The following COPZ2 variants were observed in gnomAD, a reference collection of about 807,000 sequenced individuals.
COPZ2 encodes the protein coatomer subunit zeta-2.
In COPZ2, 30 loss-of-function variants were observed where a neutral mutation model predicts 33.2. That is an observed-to-expected ratio of 0.90 (90% CI 0.68 to 1.23). The LOEUF (loss-of-function observed/expected upper bound fraction) is 1.23, where lower values mean the gene tolerates loss of function less well. Ranked by LOEUF, COPZ2 falls within the 50% of genes most tolerant of loss-of-function variation. The pLI is 0.00. For missense variants in COPZ2, 263 were observed against 262.4 expected (o/e 1.00, Z -0.02); for synonymous variants, 89 against 102.6 (o/e 0.87, Z 0.80).
In COPZ2 at chr17:48,032,715, G is replaced by C; in HGVS notation, c.387C>G (p.Cys129Trp). ...NELMLMSVLT[C>W]LFESLNHMLR... ...ACATGTGGTTCAGAGACTCAAACAGGCAGGTGAGAACAGACATGAGCATCA... is the reference window on the plus strand; with the variant it reads ...ACATGTGGTTCAGAGACTCAAACAGCCAGGTGAGAACAGACATGAGCATCA... Residue 129 changes from cysteine (C) to tryptophan (W), a missense_variant, in exon 5 of 9, where the codon TGC (cysteine) becomes TGG (tryptophan). Transcript: ENST00000621465. The C allele has an allele frequency of 3.1e-6, 5 of 1,594,264 alleles. No homozygotes were observed. The highest frequency in any genetic ancestry group is 4.3e-6 in the Non-Finnish European group (5 of 1,170,384).
intron 8 of COPZ2, among the ~76,000 whole-genome samples, chr17:48,026,689 C>T (rs1156666423): frequency 6.6e-6 from 1 of 152,246 alleles, no homozygotes; most frequent in Non-Finnish European, 1.5e-5. Flanking sequence ...CCACCTCAGG[C>T]CCAAGCCTGC....
the COPZ2 span, among the ~76,000 whole-genome samples, chr17:48,044,731 T>C: frequency 6.6e-6 from 1 of 152,146 alleles, no homozygotes; most frequent in Non-Finnish European, 1.5e-5. Context: ...GCTGATGATG[T>C]TTACCATATA....
chr17:48,031,409 G>T (rs530008662), intron 6 of COPZ2, among the ~76,000 whole-genome samples: 1 of 149,506 alleles, frequency 6.7e-6, no homozygotes, highest in Admixed American at 6.7e-5. Context: ...CCGAGATCAC[G>T]CCACTTACTG....
At position 48,029,168 on chromosome 17, in the gene COPZ2, A is replaced by C; in HGVS notation, c.503T>G (p.Leu168Arg). 6.3e-7 allele frequency: 1 copy of C among 1,575,900 alleles called. No individual in the cohort carries two copies. Residue 168 changes from leucine (L) to arginine (R), a missense_variant, in exon 7 of 9, where the codon CTG (leucine) becomes CGG (arginine). Leu to Arg is a moderately radical substitution (Grantham distance 102, BLOSUM62 -2). Coordinates refer to ENST00000621465, the MANE Select transcript of COPZ2 (RefSeq NM_016429.4). ...LDEIVDGGVILESDPQQVIQK... is the reference protein window; with the variant it reads ...LDEIVDGGVIRESDPQQVIQK... ...GATCACTTGCTGGGGGTCACTCTCC[A>C]GAATCACACTACAAGATGAGAGGAA...
intron 6 of COPZ2, among the ~76,000 whole-genome samples, chr17:48,031,455 CAA>C (rs1185312803): frequency 5.7e-4 from 37 of 64,674 alleles, no homozygotes; most frequent in Admixed American, 5.5e-4. Context: ...GACTCTGTCT[CAA>C]AAAAAAAAAA....
rs772665463 is a variant in COPZ2 at position 48,032,137 on chromosome 17, CT to C, written c.494+18del. 2.9e-5 allele frequency: 46 copies of C among 1,606,416 alleles called. No individual in the cohort carries two copies. In the Middle Eastern group the frequency reaches 8.2e-4, roughly 29 times the overall value. On this transcript the variant is annotated intron_variant, in intron 6 of 8. Coordinates refer to ENST00000621465, the MANE Select transcript of COPZ2 (RefSeq NM_016429.4). ...AAAGGCACTCCTGCTGTGAGTGTCC[CT>C]GACTGTCCCCTCCTCACCCGCCATC... is the stretch of plus-strand genomic sequence containing the variant.
In COPZ2 at chr17:48,026,491, G is replaced by T. The variant is rs2036819011; in HGVS notation, c.586-16C>A. The T allele has an allele frequency of 6.3e-7, 1 of 1,596,978 alleles. No homozygotes were observed. Among genetic ancestry groups the T allele is most frequent in the East Asian group, 2.2e-5 (1 of 44,812 alleles). On this transcript the variant is annotated splice_polypyrimidine_tract_variant and intron_variant, in intron 8 of 8. Coordinates refer to ENST00000621465, the MANE Select transcript of COPZ2 (RefSeq NM_016429.4). ...ACTGAAGAACCTGGGGTGGGGTGGG[G>T]GAGGTTGAGAGAGAATTGAGAATGT...
upstream of COPZ2, among the ~76,000 whole-genome samples, chr17:48,041,502 C>A (rs182352964): frequency 6.6e-6 from 1 of 152,220 alleles, no homozygotes; most frequent in Admixed American, 6.5e-5. Context: ...GACATTTGAA[C>A]AAAGAGCTAA....
chr17:48,040,054 G>A (rs1470083056), upstream of COPZ2, among the ~76,000 whole-genome samples: 2 of 151,786 alleles, frequency 1.3e-5, no homozygotes, highest in Non-Finnish European at 2.9e-5. Context: ...CCTGGGAGGT[G>A]GAGGTTGCAG....
chr17:48,037,090 T>G lies in COPZ2; in HGVS notation c.112-165A>C. On this transcript the variant is annotated intron_variant, in intron 1 of 8. Transcript: ENST00000621465. This position sits in a 1 kb window ranked among gnomAD's most constrained non-coding sequence, Gnocchi z 5.6. ...CCTGTGCCACATGGGCCAACCCAGGTGCCCACTCCACTCCCAGGCAGATGT... is the reference window on the plus strand; with the variant it reads ...CCTGTGCCACATGGGCCAACCCAGGGGCCCACTCCACTCCCAGGCAGATGT... 2 of 771,866 alleles carry G rather than the reference T, an allele frequency of 2.6e-6. No individual in the cohort carries two copies. Among genetic ancestry groups the G allele is most frequent in the South Asian group, 1.4e-5 (1 of 70,776 alleles). The allele number at this position is 771,866 out of a possible 1,614,324, so 47.8% of individuals were successfully genotyped here.
At chr17:48,040,881 G>A (rs1387823319), upstream of COPZ2, among the ~76,000 whole-genome samples, 2 of 151,772 alleles carry the variant, frequency 1.3e-5, no homozygotes, top group Non-Finnish European at 2.9e-5. Flanking sequence ...TGGGTGTGGT[G>A]GCTCATACCT....
chr17:48,029,978 AT>A (rs974122820), intron 6 of COPZ2, among the ~76,000 whole-genome samples: 23 of 141,134 alleles, frequency 1.6e-4, no homozygotes, highest in East Asian at 6.4e-4. Flanking sequence ...AAAAAAAAAA[AT>A]TTTTTTTTTA....
chr17:48,040,293 G>C (rs2037049526), upstream of COPZ2, among the ~76,000 whole-genome samples: 1 of 151,870 alleles, frequency 6.6e-6, no homozygotes, highest in Non-Finnish European at 1.5e-5. Flanking sequence ...GGCAGGTCTT[G>C]AACTCCTGGG....
rs772131369 is a variant in COPZ2 at position 48,036,972 on chromosome 17, A to C, written c.112-47T>G. ...CCGTTTGGCCCCTGACTCGAGGTGG[A>C]CACCCTGTGTCTATGGGATCTGCTG... is the stretch of plus-strand genomic sequence containing the variant. On this transcript the variant is annotated intron_variant, in intron 1 of 8. Transcript: ENST00000621465. 14 of 1,517,938 alleles carry C rather than the reference A, an allele frequency of 9.2e-6. No homozygotes were observed. In the African/African-American group the frequency reaches 1.2e-4, roughly 13 times the overall value. The allele number at this position is 1,517,938 out of a possible 1,614,324, so 94.0% of individuals were successfully genotyped here.
At position 48,028,799 on chromosome 17, in the gene COPZ2, C is replaced by G; in HGVS notation, c.547-289G>C. On this transcript the variant is annotated intron_variant, in intron 7 of 8. Coordinates refer to ENST00000621465, the MANE Select transcript of COPZ2 (RefSeq NM_016429.4). This position sits in a 1 kb window ranked among gnomAD's most constrained non-coding sequence, Gnocchi z 4.5. ...GCCAAACAAGGCAGGGAGGTTCTAT[C>G]CATACCCCTGACCCCCAACCTCAAG... 6.6e-6 allele frequency among the ~76,000 whole-genome samples: 1 copy of G among 152,112 alleles called. No individual in the cohort carries two copies. Among genetic ancestry groups the G allele is most frequent in the South Asian group, 2.1e-4 (1 of 4,822 alleles).
chr17:48,030,439 C>A (rs56216222), intron 6 of COPZ2, among the ~76,000 whole-genome samples: 12 of 152,090 alleles, frequency 7.9e-5, no homozygotes, highest in African/African-American at 1.4e-4. Flanking sequence ...GGTACATGGG[C>A]GTGAGGGCCT....
At chr17:48,033,042 T>C (rs963851794) in intron 4 of COPZ2, 169 bp downstream of exon 4, 8 of 607,108 alleles carry the variant, frequency 1.3e-5, no homozygotes, top group Non-Finnish European at 2.1e-5. Flanking sequence ...GCATCGAAGA[T>C]ACACATTGTC....
At chr17:48,031,643 A>G (rs1026559414) in intron 6 of COPZ2, 1 of 155,460 alleles carries the variant, frequency 6.4e-6, no homozygotes, top group African/African-American at 2.4e-5. Flanking sequence ...CACAAGCTTC[A>G]CATGTATCTT....
chr17:48,041,147 C>CAAAAAAAAAAAAAAAAAAAAAAAAAA (rs10532613), upstream of COPZ2, among the ~76,000 whole-genome samples: 1 of 103,014 alleles, frequency 9.7e-6, no homozygotes, highest in Non-Finnish European at 2.0e-5. Context: ...ACTCTATCTC[C>CAAAAAAAAAAAAAAAAAAAAAAAAAA]AAAAAAAAAA....
Sources: allele counts gnomAD v4.1 joint callset (sites outside exome capture counted in the v4.1 genomes callset), GRCh38; gene constraint gnomAD v4.1.1; non-coding constraint Gnocchi (gnomAD v3.1); transcripts MANE v1.5; gene names NCBI Gene and HGNC (gene_info 2026-07-23, HGNC 2026-07-21).